Variants in USH2A observed in about 807,000 individuals in gnomAD.
USH2A encodes the protein usherin, also known as Usher syndrome 2A (autosomal recessive, mild).
USH2A carries 443 observed loss-of-function variants against 538.9 expected under a neutral mutation model. The observed-to-expected ratio is 0.82, with a 90% CI of 0.76 to 0.89. The LOEUF (loss-of-function observed/expected upper bound fraction) is 0.89, where lower values mean the gene tolerates loss of function less well. Among genes scored for constraint, USH2A ranks in the 40% least tolerant of loss-of-function variants. The pLI is 0.00. For missense variants in USH2A, 6,633 were observed against 6,324.8 expected, an observed-to-expected ratio of 1.05 and a Z score of -1.65; for synonymous variants, 2,413 against 2,273.5, an observed-to-expected ratio of 1.06 and a Z score of -1.75.
chr1:216,085,132 G>C (rs2032088512), intron 24 of USH2A: 1 of 441,102 alleles, frequency 2.3e-6, no homozygotes, highest in Non-Finnish European at 4.1e-6. Context: ...TTTTGCAGTA[G>C]CAAGAATATT....
At position 216,078,025 on chromosome 1, in the gene USH2A, A is replaced by G. The variant is rs2031810526; in HGVS notation, c.5572+64T>C. On this transcript the variant is annotated intron_variant, in intron 27 of 71. Coordinates refer to ENST00000307340, the MANE Select transcript of USH2A (RefSeq NM_206933.4). ...TCTATTGCTATCTCTTGAAACACAG[A>G]ACCACCAAAAACTGTTAGCACCAGG... The G allele has an allele frequency of 2.5e-6, 4 of 1,605,920 alleles. No homozygotes were observed. In the Admixed American group the frequency reaches 6.7e-5, roughly 27 times the overall value.
At chr1:216,309,333 G>T (rs988092486) in intron 9 of USH2A, among the ~76,000 whole-genome samples, 2 of 152,030 alleles carry the variant, frequency 1.3e-5, no homozygotes, top group African/African-American at 4.8e-5. Flanking sequence ...GGTGTTTTTG[G>T]TGCTTTTGTA....
At chr1:215,847,922 G>C (rs1324510764) in intron 44 of USH2A, among the ~76,000 whole-genome samples, 2 of 152,062 alleles carry the variant, frequency 1.3e-5, no homozygotes, top group Non-Finnish European at 2.9e-5. Flanking sequence ...TCTAGAAATA[G>C]TTAAAAGGGT....
chr1:216,119,917 G>T (rs4971264), intron 21 of USH2A, among the ~76,000 whole-genome samples: 55,516 of 151,892 alleles, frequency 0.37, 10,878 homozygotes, highest in East Asian at 0.73. Context: ...CAAGTGCACA[G>T]ACATTGATGG....
chr1:216,217,383 T>C lies in USH2A; in HGVS notation c.3157+4A>G, dbSNP rs2035363383. ...ACACCAGCACTGAACCAGAGTTCAC[T>C]TACTTTTGCTGCAACCCAATAGATT... On this transcript the variant is annotated splice_donor_region_variant and intron_variant, in intron 15 of 71. Coordinates refer to ENST00000307340, the MANE Select transcript of USH2A (RefSeq NM_206933.4). 3 of 1,612,812 alleles carry C rather than the reference T, an allele frequency of 1.9e-6. No homozygotes were observed. The highest frequency in any genetic ancestry group is 2.5e-6 in the Non-Finnish European group (3 of 1,179,172).
chr1:215,768,121 C>G (rs753817907), intron 55 of USH2A, among the ~76,000 whole-genome samples: 2 of 152,132 alleles, frequency 1.3e-5, no homozygotes, highest in Admixed American at 6.6e-5. Flanking sequence ...TCAAATACTA[C>G]ATTTTAAAAA....
intron 43 of USH2A, among the ~76,000 whole-genome samples, chr1:215,869,700 A>C (rs1664573583): frequency 6.6e-6 from 1 of 152,072 alleles, no homozygotes; most frequent in Non-Finnish European, 1.5e-5. Flanking sequence ...TAATATGTAA[A>C]TTTTTCTTCC....
At chr1:216,090,273 A>G (rs1327101346) in intron 22 of USH2A, among the ~76,000 whole-genome samples, 3 of 151,952 alleles carry the variant, frequency 2.0e-5, no homozygotes, top group Non-Finnish European at 2.9e-5. Context: ...AAAACATACA[A>G]TGTTAATCAT....
chr1:216,000,967 T>C (rs1668253412), intron 32 of USH2A, among the ~76,000 whole-genome samples: 1 of 152,142 alleles, frequency 6.6e-6, no homozygotes, highest in Admixed American at 6.5e-5. Context: ...CTTGTAACAA[T>C]GACTTTGAGC....
At chr1:216,407,083 C>T (rs974195940) in intron 3 of USH2A, among the ~76,000 whole-genome samples, 1 of 151,862 alleles carries the variant, frequency 6.6e-6, no homozygotes, top group Non-Finnish European at 1.5e-5. Context: ...CCTTCCTCTC[C>T]TCCTTCCTTC....
chr1:215,707,039 A>G (rs370528847), intron 61 of USH2A, among the ~76,000 whole-genome samples: 1 of 152,208 alleles, frequency 6.6e-6, no homozygotes, highest in African/African-American at 2.4e-5. Flanking sequence ...ATTTTCATTT[A>G]GGCAGATCAA....
rs563184719 is a variant in USH2A at position 215,629,886 on chromosome 1, C to T, written c.15298-851G>A. ...CGCCTCCCGGGTTCACGCCATTCTCCTGCCTCAGCCTCCCGAGTAGCTGGG... is the reference window on the plus strand; with the variant it reads ...CGCCTCCCGGGTTCACGCCATTCTCTTGCCTCAGCCTCCCGAGTAGCTGGG... On this transcript the variant is annotated intron_variant, in intron 70 of 71. Transcript: ENST00000307340. 2,095 of 276,286 alleles carry T rather than the reference C, an allele frequency of 7.6e-3. 19 individuals carry two copies. Among genetic ancestry groups the T allele is most frequent in the Non-Finnish European group, 0.011 (1,507 of 140,798 alleles). 17.1% of individuals were successfully genotyped at this position (276,286 alleles called of 1,614,324 possible).
At chr1:215,639,057 C>G in intron 69 of USH2A, 98 bp downstream of exon 69, 1 of 1,152,618 alleles carries the variant, frequency 8.7e-7, no homozygotes, top group Non-Finnish European at 1.3e-6. Context: ...ATAGTCTATG[C>G]TAATATATTA....
intron 37 of USH2A, among the ~76,000 whole-genome samples, chr1:215,959,039 G>C (rs1667136419): frequency 2.0e-5 from 3 of 151,902 alleles, no homozygotes; most frequent in African/African-American, 7.3e-5. Context: ...TCACCACCCG[G>C]ATCTCCTCCT....
intron 44 of USH2A, among the ~76,000 whole-genome samples, chr1:215,847,484 G>A (rs1663891627): frequency 6.6e-6 from 1 of 151,658 alleles, no homozygotes; most frequent in South Asian, 2.1e-4. Context: ...ATCTCTACAT[G>A]AAACACAAAA....
intron 37 of USH2A, among the ~76,000 whole-genome samples, chr1:215,944,649 C>A (rs1308621608): frequency 1.3e-5 from 2 of 152,064 alleles, no homozygotes; most frequent in Non-Finnish European, 1.5e-5. Flanking sequence ...CAGTGGAAAT[C>A]CAAGTGCCTG....
chr1:215,900,739 A>G lies in USH2A; in HGVS notation c.7451+16T>C. 6.2e-7 allele frequency: 1 copy of G among 1,613,560 alleles called. No homozygotes were observed. Among genetic ancestry groups the G allele is most frequent in the Non-Finnish European group, 8.5e-7 (1 of 1,179,662 alleles). ...GTATAACCCAGCTGATAGAATGGAC[A>G]AAGTAGAATGCTCACTCTAGAAATC... On this transcript the variant is annotated intron_variant, in intron 39 of 71. Transcript: ENST00000307340.
At chr1:216,348,093 T>C (rs1292212455) in intron 4 of USH2A, among the ~76,000 whole-genome samples, 1 of 152,158 alleles carries the variant, frequency 6.6e-6, no homozygotes, top group African/African-American at 2.4e-5. Context: ...TTTTTAACAA[T>C]TGAGTAAATT....
intron 45 of USH2A, among the ~76,000 whole-genome samples, 182 bp from the exon 46 acceptor site, chr1:215,844,678 CAT>C: frequency 6.6e-6 from 1 of 152,284 alleles, no homozygotes; most frequent in South Asian, 2.1e-4. Flanking sequence ...AGTTAGAAAC[CAT>C]AAGAATTGGT....
Sources: gnomAD v4.1 joint callset for allele counts (sites outside exome capture counted in the v4.1 genomes callset) on GRCh38, gnomAD v4.1.1 for gene constraint, MANE v1.5 for transcripts, NCBI Gene and HGNC (gene_info 2026-07-23, HGNC 2026-07-21) for gene names.